The following PDPK1 variants were observed in gnomAD, a reference collection of about 807,000 sequenced individuals.
PDPK1 encodes the protein 3-phosphoinositide-dependent protein kinase 1.
PDPK1 carries 7 observed loss-of-function variants against 39.8 expected under a neutral mutation model. The observed-to-expected ratio is 0.18, with a 90% CI of 0.10 to 0.33. The LOEUF is 0.33. Ranked by LOEUF, PDPK1 falls within the 10% of genes least tolerant of loss-of-function variation. The probability of loss-of-function intolerance (pLI) is 1.00; values close to 1 mark genes in which losing one functional copy is unlikely to be tolerated. For synonymous variants in PDPK1, 118 were observed against 159.1 expected (o/e 0.74, Z 1.95); for missense variants, 182 against 384.7 (o/e 0.47, Z 4.41).
rs577872209 is a variant in PDPK1, at chr16:2,600,224, G to T, written c.*2457G>T. ...TGTGTGTGCACATAGACACACTTAC[G>T]TGGAATTACAGTTGTGGGTTTATCC... On this transcript the variant is annotated 3_prime_UTR_variant, in exon 14 of 14. Coordinates refer to ENST00000342085, the MANE Select transcript of PDPK1 (RefSeq NM_002613.5). 6.3e-4 allele frequency: 147 copies of T among 233,366 alleles called. No individual in the cohort carries two copies. The highest frequency in any genetic ancestry group is 1.1e-3 in the Non-Finnish European group (128 of 118,086). The allele number at this position is 233,366 out of a possible 1,614,324, so 14.5% of individuals were successfully genotyped here.
chr16:2,585,685 C>A (rs993634772), intron 10 of PDPK1, among the ~76,000 whole-genome samples: 1 of 152,208 alleles, frequency 6.6e-6, no homozygotes, highest in African/African-American at 2.4e-5. Flanking sequence ...GGGCCGGCAG[C>A]GTCGGGCGTT....
chr16:2,579,988 C>T (rs1401267592), intron 7 of PDPK1: 1 of 148,258 alleles, frequency 6.7e-6, no homozygotes, highest in Non-Finnish European at 1.5e-5. Flanking sequence ...ATGAAGAGGT[C>T]TTAGAAAATA....
rs545819504 is a variant in PDPK1, at chr16:2,600,388, C to T, written c.*2621C>T. The stretch of plus-strand genomic sequence containing the variant: ...AGCGGAGGGAGGCTGTGGTCGCTGC[C>T]GGCCTAGGTGTCCCAGGTGCCCCGC... On this transcript the variant is annotated 3_prime_UTR_variant, in exon 14 of 14. Coordinates refer to ENST00000342085, the MANE Select transcript of PDPK1 (RefSeq NM_002613.5). 231 of 232,780 alleles carry T rather than the reference C, an allele frequency of 9.9e-4. No homozygotes were observed. The highest frequency in any genetic ancestry group is 1.3e-3 in the Non-Finnish European group (156 of 118,052). 14.4% of individuals were successfully genotyped at this position (232,780 alleles called of 1,614,324 possible).
At chr16:2,580,521 GT>G (rs1487752564) in intron 7 of PDPK1, among the ~76,000 whole-genome samples, 2 of 118,220 alleles carry the variant, frequency 1.7e-5, no homozygotes, top group Non-Finnish European at 3.4e-5. Flanking sequence ...TTCCAGAAGT[GT>G]AATACTGGCT....
chr16:2,585,089 G>C (rs1009936668), intron 10 of PDPK1, among the ~76,000 whole-genome samples: 1 of 152,228 alleles, frequency 6.6e-6, no homozygotes, highest in African/African-American at 2.4e-5. Flanking sequence ...AGCAGCACAG[G>C]CTTCAGTTGT....
intron 11 of PDPK1, chr16:2,592,864 CAG>C (rs540244452): frequency 4.0e-4 from 181 of 456,638 alleles, no homozygotes; most frequent in African/African-American, 1.0e-3. Flanking sequence ...TTGTCTCTCT[CAG>C]GGGATGCTGG....
chr16:2,597,991 T>C lies in PDPK1; in HGVS notation c.*224T>C. Reference sequence around the variant, plus strand: ...CAAAGGAATTCAGGGTCGCTTTGCTTGCTCTCTGTGCTCCGTGGAGGCCTC... The same window carrying C: ...CAAAGGAATTCAGGGTCGCTTTGCTCGCTCTCTGTGCTCCGTGGAGGCCTC... On this transcript the variant is annotated 3_prime_UTR_variant, in exon 14 of 14. Transcript: ENST00000342085. The surrounding 1 kb of genome is among the most constrained non-coding windows in gnomAD (Gnocchi z 6.3). 1 of 559,224 alleles carries C rather than the reference T, an allele frequency of 1.8e-6. No individual in the cohort carries two copies. The highest frequency in any genetic ancestry group is 3.2e-6 in the Non-Finnish European group (1 of 313,208). 34.6% of individuals were successfully genotyped at this position (559,224 alleles called of 1,614,324 possible). A position where few individuals can be genotyped will look rare whatever the true frequency, so the allele number is the denominator to read the frequency against.
At position 2,579,952 on chromosome 16, in the gene PDPK1, GA is replaced by G. The variant is rs1365837063; in HGVS notation, c.786-1335del. ...TGTCTCAAAAAAGAAAAAGAAAAAA[GA>G]AAAAAAAGAAAAGAGAAATTAATTA... On this transcript the variant is annotated intron_variant, in intron 7 of 13. Coordinates refer to ENST00000342085, the MANE Select transcript of PDPK1 (RefSeq NM_002613.5). 3 of 142,884 alleles carry G rather than the reference GA, an allele frequency of 2.1e-5. 1 individual carries two copies. Among genetic ancestry groups the G allele is most frequent in the Non-Finnish European group, 4.6e-5 (3 of 65,136 alleles). The allele number at this position is 142,884 out of a possible 1,614,324, so 8.9% of individuals were successfully genotyped here. A position where few individuals can be genotyped will look rare whatever the true frequency, so the allele number is the denominator to read the frequency against.
intron 11 of PDPK1, among the ~76,000 whole-genome samples, chr16:2,595,503 G>T (rs988707819): frequency 6.6e-6 from 1 of 152,184 alleles, no homozygotes; most frequent in African/African-American, 2.4e-5. Flanking sequence ...TCTACAGCAC[G>T]GTCCTCCCCC....
chr16:2,543,685 G>A (rs1161545104), intron 1 of PDPK1, among the ~76,000 whole-genome samples: 2 of 152,064 alleles, frequency 1.3e-5, no homozygotes, highest in African/African-American at 2.4e-5. Flanking sequence ...CCCTGTGGCT[G>A]TACAGTCTTT....
chr16:2,545,548 G>A (rs562814394), intron 1 of PDPK1, among the ~76,000 whole-genome samples: 2 of 152,116 alleles, frequency 1.3e-5, no homozygotes, highest in African/African-American at 4.8e-5. Context: ...AGGCTGGAGT[G>A]CAGTGGTGTG....
At chr16:2,588,890 C>T (rs1322782416) in intron 11 of PDPK1, among the ~76,000 whole-genome samples, 1 of 152,108 alleles carries the variant, frequency 6.6e-6, no homozygotes, top group African/African-American at 2.4e-5. Context: ...TTTCAGTGGT[C>T]ACATGCTGTA....
chr16:2,539,574 C>G (rs760274764), intron 1 of PDPK1: 1 of 152,074 alleles, frequency 6.6e-6, no homozygotes, highest in African/African-American at 2.4e-5. Flanking sequence ...TGTAGAGATG[C>G]GTGTTAAGGA....
At chr16:2,591,441 A>G (rs2142000847) in intron 11 of PDPK1, among the ~76,000 whole-genome samples, 1 of 152,312 alleles carries the variant, frequency 6.6e-6, no homozygotes, top group Non-Finnish European at 1.5e-5. Flanking sequence ...TATTGTTACG[A>G]GTCAGATTTC....
Position 2,601,249 on chromosome 16 carries a change from C to T in PDPK1, c.*3482C>T, listed in dbSNP as rs931079188. On this transcript the variant is annotated 3_prime_UTR_variant, in exon 14 of 14. Transcript: ENST00000342085. The stretch of plus-strand genomic sequence containing the variant: ...GCAGAACCACCTTAGTTGTGTCTTA[C>T]AGATTCTGAACAAATCGGTTTCTGA... 49 of 234,216 alleles carry T rather than the reference C, an allele frequency of 2.1e-4. No individual in the cohort carries two copies. The highest frequency in any genetic ancestry group is 3.9e-4 in the Admixed American group (7 of 17,772). 14.5% of individuals were successfully genotyped at this position (234,216 alleles called of 1,614,324 possible). A position where few individuals can be genotyped will look rare whatever the true frequency, so the allele number is the denominator to read the frequency against.
At chr16:2,550,243 G>A (rs2066389569) in intron 1 of PDPK1, among the ~76,000 whole-genome samples, 1 of 150,986 alleles carries the variant, frequency 6.6e-6, no homozygotes, top group Non-Finnish European at 1.5e-5. Context: ...AGAGAAAAAT[G>A]GCATTTTATT....
chr16:2,587,111 G>A (rs1310875398), intron 11 of PDPK1, among the ~76,000 whole-genome samples: 2 of 152,218 alleles, frequency 1.3e-5, no homozygotes, highest in Non-Finnish European at 2.9e-5. Flanking sequence ...CCCCTCCTCT[G>A]CCGGGCATTT....
At position 2,597,726 on chromosome 16, in the gene PDPK1, A is replaced by C; in HGVS notation, c.1630A>C (p.Arg544=). ...GTGCAGGAAGATCCAGGAGGTTTGG[A>C]GGCAGCGATACCAGAGCCACCCGGA... The part of the protein sequence containing the change: ...KWCRKIQEVW[R]QRYQSHPDAA... Residue 544 remains arginine, a synonymous_variant, in exon 14 of 14, where the codon AGG becomes CGG. Transcript: ENST00000342085. The surrounding 1 kb of genome is among the most constrained non-coding windows in gnomAD (Gnocchi z 6.3). 6.2e-7 allele frequency: 1 copy of C among 1,613,442 alleles called. No individual in the cohort carries two copies. Among genetic ancestry groups the C allele is most frequent in the Non-Finnish European group, 8.5e-7 (1 of 1,179,966 alleles).
chr16:2,593,109 G>C lies in PDPK1; in HGVS notation c.1344-2684G>C, dbSNP rs1175479048. ...CGCTTCCTCAGTGAGTCCTCCCCAG[G>C]CTGCAGGTGCCGAGCGGGAGCACCA... On this transcript the variant is annotated intron_variant, in intron 11 of 13. Coordinates refer to ENST00000342085, the MANE Select transcript of PDPK1 (RefSeq NM_002613.5). This position sits in a 1 kb window ranked among gnomAD's most constrained non-coding sequence, Gnocchi z 4.2. The C allele has an allele frequency of 2.2e-6, 1 of 455,348 alleles. No individual in the cohort carries two copies. Among genetic ancestry groups the C allele is most frequent in the African/African-American group, 2.0e-5 (1 of 50,006 alleles). The allele number at this position is 455,348 out of a possible 1,614,324, so 28.2% of individuals were successfully genotyped here. A position where few individuals can be genotyped will look rare whatever the true frequency, so the allele number is the denominator to read the frequency against.
Sources: allele counts gnomAD v4.1 joint callset (sites outside exome capture counted in the v4.1 genomes callset), GRCh38; gene constraint gnomAD v4.1.1; non-coding constraint Gnocchi (gnomAD v3.1); transcripts MANE v1.5; gene names NCBI Gene and HGNC (gene_info 2026-07-23, HGNC 2026-07-21).